PLA2G10: variants seen among roughly 807,000 people sequenced by gnomAD.
PLA2G10 encodes the protein phospholipase A2 group X.
A neutral mutation model predicts 7.9 loss-of-function variants in PLA2G10; 9 were observed. That is an observed-to-expected ratio of 1.14 (90% confidence interval 0.68 to 1.98). The LOEUF is 1.98. Among genes scored for constraint, PLA2G10 ranks in the 30% most tolerant of loss-of-function variants. PLA2G10 has a pLI of 0.00. For synonymous variants in PLA2G10, 19 were observed against 27.5 expected (o/e 0.69, Z 0.97); for missense variants, 53 against 65.4 (o/e 0.81, Z 0.66).
intron 3 of PLA2G10, among the ~76,000 whole-genome samples, chr16:14,680,608 T>C (rs1204075069): frequency 1.3e-5 from 2 of 152,118 alleles, no homozygotes; most frequent in Non-Finnish European, 2.9e-5. Context: ...GTGATACTTC[T>C]GTCTTGGCCT....
intron 3 of PLA2G10, among the ~76,000 whole-genome samples, chr16:14,684,942 C>G (rs1228762898): frequency 1.3e-5 from 2 of 152,282 alleles, no homozygotes; most frequent in South Asian, 2.1e-4. Context: ...CATAGCAGCA[C>G]TATTCACATA....
intron 3 of PLA2G10, among the ~76,000 whole-genome samples, chr16:14,681,661 A>G (rs564961224): frequency 6.6e-6 from 1 of 152,040 alleles, no homozygotes; most frequent in South Asian, 2.1e-4. Flanking sequence ...AATGGGCCAA[A>G]CCTGTAATTA....
At position 14,687,441 on chromosome 16, in the gene PLA2G10, C is replaced by T. The variant is rs553779659; in HGVS notation, c.355+724G>A. Among the ~76,000 whole-genome samples the T allele has an allele frequency of 1.3e-4, 20 of 151,586 alleles. No individual in the cohort carries two copies. In the South Asian group the frequency reaches 2.7e-3, roughly 21 times the overall value. On this transcript the variant is annotated intron_variant, in intron 3 of 3. Coordinates refer to ENST00000438167, the MANE Select transcript of PLA2G10 (RefSeq NM_003561.3). ...CCTCCTGGGCTTCAAGCGATCCTCC[C>T]ACCTCAGCCTCCCAAGTAGCTGGGA...
At chr16:14,681,201 G>A (rs1397015062) in intron 3 of PLA2G10, among the ~76,000 whole-genome samples, 3 of 150,908 alleles carry the variant, frequency 2.0e-5, no homozygotes, top group African/African-American at 7.3e-5. Flanking sequence ...AAAGGGGGAG[G>A]GGGGAGAGAG....
chr16:14,677,033 A>G (rs1186357608), intron 3 of PLA2G10, among the ~76,000 whole-genome samples: 1 of 152,192 alleles, frequency 6.6e-6, no homozygotes, highest in Non-Finnish European at 1.5e-5. Flanking sequence ...TGATGGGTGC[A>G]CTAAAAGCTC....
chr16:14,686,589 C>T (rs974748029), intron 3 of PLA2G10, among the ~76,000 whole-genome samples: 13 of 152,144 alleles, frequency 8.5e-5, no homozygotes, highest in African/African-American at 3.1e-4. Context: ...CAACCTGTGC[C>T]TCCTGGATTC....
At chr16:14,687,572 C>T (rs1424277538) in intron 3 of PLA2G10, among the ~76,000 whole-genome samples, 1 of 152,112 alleles carries the variant, frequency 6.6e-6, no homozygotes. Flanking sequence ...GTCCCCACCC[C>T]CAGCCTCTTT....
chr16:14,687,997 T>A (rs71374724), intron 3 of PLA2G10, among the ~76,000 whole-genome samples, 168 bp downstream of exon 3: 37,546 of 148,226 alleles, frequency 0.25, 4,073 homozygotes, highest in South Asian at 0.32. Flanking sequence ...AGACTCTGAC[T>A]CAAAAAATAA....
intron 3 of PLA2G10, among the ~76,000 whole-genome samples, chr16:14,679,512 T>G (rs1016402350): frequency 4.7e-4 from 72 of 151,788 alleles, no homozygotes; most frequent in African/African-American, 1.7e-3. Context: ...ATACAAAAAT[T>G]AGCCAGGTGT....
At chr16:14,675,735 T>C (rs1960707750) in intron 3 of PLA2G10, among the ~76,000 whole-genome samples, 1 of 151,682 alleles carries the variant, frequency 6.6e-6, no homozygotes, top group Non-Finnish European at 1.5e-5. Context: ...GGTCAGGAGT[T>C]CGAGACCAGC....
intron 3 of PLA2G10, among the ~76,000 whole-genome samples, chr16:14,676,919 T>TG (rs1367124833): frequency 1.3e-5 from 2 of 151,988 alleles, no homozygotes; most frequent in East Asian, 1.9e-4. Context: ...AGCTAAGCTA[T>TG]GGGGGGTACA....
intron 3 of PLA2G10, among the ~76,000 whole-genome samples, chr16:14,686,372 G>A (rs867429769): frequency 4.6e-5 from 7 of 152,080 alleles, no homozygotes; most frequent in Non-Finnish European, 8.8e-5. Flanking sequence ...TTTGAGTCTC[G>A]CTGCCGAAAC....
chr16:14,683,197 C>T (rs2151852727), intron 3 of PLA2G10, among the ~76,000 whole-genome samples: 1 of 151,684 alleles, frequency 6.6e-6, no homozygotes, highest in East Asian at 1.9e-4. Context: ...AATCCTCCTC[C>T]ATCTAGAGCC....
At chr16:14,679,379 C>G (rs1960818013) in intron 3 of PLA2G10, among the ~76,000 whole-genome samples, 1 of 151,876 alleles carries the variant, frequency 6.6e-6, no homozygotes, top group Admixed American at 6.6e-5. Flanking sequence ...ACAAAAAATA[C>G]AGGCCGGGCG....
intron 3 of PLA2G10, among the ~76,000 whole-genome samples, chr16:14,678,933 C>T (rs1479231682): frequency 6.6e-6 from 1 of 152,132 alleles, no homozygotes; most frequent in African/African-American, 2.4e-5. Flanking sequence ...GCTCCAGCCT[C>T]ACCGAACTCC....
At chr16:14,682,767 T>G (rs1960927587) in intron 3 of PLA2G10, among the ~76,000 whole-genome samples, 1 of 151,384 alleles carries the variant, frequency 6.6e-6, no homozygotes. Context: ...GAAGAAAAAT[T>G]CCCATCCAAT....
intron 3 of PLA2G10, among the ~76,000 whole-genome samples, chr16:14,684,098 C>A (rs1025552808): frequency 6.6e-6 from 1 of 151,514 alleles, no homozygotes; most frequent in African/African-American, 2.4e-5. Flanking sequence ...TGGTGGCTCG[C>A]GCCTGTAATC....
At chr16:14,693,282 T>C (rs963262879) in intron 1 of PLA2G10, among the ~76,000 whole-genome samples, 2 of 18,304 alleles carry the variant, frequency 1.1e-4, no homozygotes, top group Non-Finnish European at 2.5e-4. Flanking sequence ...CCAGGGTCTA[T>C]GCGCACATAT....
At chr16:14,686,969 G>A (rs902984897) in intron 3 of PLA2G10, among the ~76,000 whole-genome samples, 3 of 151,958 alleles carry the variant, frequency 2.0e-5, no homozygotes, top group Non-Finnish European at 4.4e-5. Context: ...TTAGCCAGGT[G>A]TAGTGGCAGG....
Sources: gnomAD v4.1 joint callset for allele counts (sites outside exome capture counted in the v4.1 genomes callset) on GRCh38, gnomAD v4.1.1 for gene constraint, MANE v1.5 for transcripts, NCBI Gene and HGNC (gene_info 2026-07-23, HGNC 2026-07-21) for gene names.